The following DNAH5 variants were observed in gnomAD, a reference collection of about 807,000 sequenced individuals.
The protein encoded by DNAH5 is dynein axonemal heavy chain 5.
Under a neutral mutation model 518.2 loss-of-function variants are expected in DNAH5, and 372 were observed. That is an observed-to-expected ratio of 0.72 (90% confidence interval 0.66 to 0.78). The LOEUF (loss-of-function observed/expected upper bound fraction) is 0.78, where lower values mean the gene tolerates loss of function less well. Among genes scored for constraint, DNAH5 ranks in the 30% least tolerant of loss-of-function variants. DNAH5 has a pLI of 0.00. For synonymous variants in DNAH5, 2,039 were observed against 2,025.9 expected (o/e 1.01, Z -0.17); for missense variants, 5,523 against 5,687.0 (o/e 0.97, Z 0.93).
At chr5:13,832,336 G>A (rs1271928353) in intron 35 of DNAH5, among the ~76,000 whole-genome samples, 1 of 152,174 alleles carries the variant, frequency 6.6e-6, no homozygotes, top group Non-Finnish European at 1.5e-5. Flanking sequence ...AAAAGCAGGT[G>A]GGCATGCCTG....
chr5:13,754,418 G>C (rs894280668), intron 61 of DNAH5, 80 bp from the exon 62 acceptor site: 1 of 1,514,656 alleles, frequency 6.6e-7, no homozygotes, highest in African/African-American at 1.4e-5. Context: ...TGTAGAACAC[G>C]CCATATTATC....
chr5:13,934,230 T>C (rs956657242), intron 1 of DNAH5, among the ~76,000 whole-genome samples: 12 of 152,202 alleles, frequency 7.9e-5, no homozygotes, highest in African/African-American at 2.7e-4. Context: ...TCTGACCTTC[T>C]AGCTGACCCC....
In DNAH5 at chr5:13,844,895, A is replaced by G; in HGVS notation, c.5213T>C (p.Ile1738Thr). The G allele has an allele frequency of 3.1e-6, 5 of 1,614,222 alleles. No homozygotes were observed. The highest frequency in any genetic ancestry group is 4.2e-6 in the Non-Finnish European group (5 of 1,180,040). ...AAACACATTCAGCAAATGGGCCTGT[A>G]TAGTGTGGGAGTCCGACGCCTGCCC... is the stretch of plus-strand genomic sequence containing the variant. ...ILGQASDSHT[I>T]QAHLLNVFDN... Residue 1738 changes from isoleucine (I) to threonine (T), a missense_variant, in exon 32 of 79, where the codon ATA (isoleucine) becomes ACA (threonine). Ile to Thr is a moderately conservative substitution (Grantham distance 89, BLOSUM62 -1). Around this residue, in one of 3 missense-constraint regions of DNAH5, gnomAD observed 5,121 missense variants for 5,223.3 expected, o/e 0.98. Coordinates refer to ENST00000265104, the MANE Select transcript of DNAH5 (RefSeq NM_001369.3).
chr5:13,950,009 T>C (rs922374711), intron 1 of DNAH5, among the ~76,000 whole-genome samples: 15 of 152,140 alleles, frequency 9.9e-5, no homozygotes, highest in African/African-American at 2.2e-4. Flanking sequence ...CCAAGAAAAA[T>C]GCACAACCTA....
In DNAH5 at chr5:13,754,082, G is replaced by T. The variant is rs1416189275; in HGVS notation, c.10555+121C>A. ...TAGGGTACATGCGCACAATGTGCGG[G>T]TTTGTTACATATGTATACATGCGCC... On this transcript the variant is annotated intron_variant, in intron 62 of 78. Transcript: ENST00000265104. 1.2e-5 allele frequency: 14 copies of T among 1,172,832 alleles called. No individual in the cohort carries two copies. The Admixed American group carries it at 2.5e-4, about 21-fold the overall frequency. 72.7% of individuals were successfully genotyped at this position (1,172,832 alleles called of 1,614,324 possible).
Position 13,753,425 on chromosome 5 carries a change from G to A in DNAH5, c.10680C>T (p.Asn3560=), listed in dbSNP as rs774184336. Residue 3560 remains asparagine (N), a synonymous_variant, in exon 63 of 79, where the codon AAC becomes AAT. Transcript: ENST00000265104. ...MKARKIPFGK[N]LNLSEMLIDA... is the part of the protein sequence containing the mutation. ...CAATCAACATCTCACTGAGATTTAGGTTCTTTCCAAATGGAATTTTCCGGG... is the reference window on the plus strand; with the variant it reads ...CAATCAACATCTCACTGAGATTTAGATTCTTTCCAAATGGAATTTTCCGGG... 1 of 1,613,988 alleles carries A rather than the reference G, an allele frequency of 6.2e-7. No homozygotes were observed. The highest frequency in any genetic ancestry group is 8.5e-7 in the Non-Finnish European group (1 of 1,179,940).
At chr5:13,986,491 T>C (rs935601089) in intron 1 of DNAH5, among the ~76,000 whole-genome samples, 4 of 152,180 alleles carry the variant, frequency 2.6e-5, no homozygotes, top group Non-Finnish European at 4.4e-5. Context: ...GTCTCTTTGA[T>C]GGCAGTAAAT....
chr5:13,796,684 G>T (rs1048389753), intron 47 of DNAH5, among the ~76,000 whole-genome samples: 11 of 152,148 alleles, frequency 7.2e-5, no homozygotes, highest in African/African-American at 1.2e-4. Flanking sequence ...TTTCTTCACA[G>T]AATTGGAAAA....
At chr5:13,923,527 T>C (rs1777529554) in intron 3 of DNAH5, 87 bp from the exon 4 acceptor site, 2 of 1,471,180 alleles carry the variant, frequency 1.4e-6, no homozygotes, top group Admixed American at 1.8e-5. Context: ...TGTTAAAATA[T>C]TGCCATTGTT....
chr5:13,736,345 A>G (rs1400341316), intron 66 of DNAH5, among the ~76,000 whole-genome samples: 1 of 152,004 alleles, frequency 6.6e-6, no homozygotes, highest in Non-Finnish European at 1.5e-5. Context: ...AAAACAAGCC[A>G]TTGCAAAGAT....
Position 13,735,931 on chromosome 5 carries a change from C to T in DNAH5, c.11457G>A (p.Val3819=), listed in dbSNP as rs768953583. 2 of 1,612,676 alleles carry T rather than the reference C, an allele frequency of 1.2e-6. No homozygotes were observed. Among genetic ancestry groups the T allele is most frequent in the Admixed American group, 3.3e-5 (2 of 60,000 alleles). The change falls in exon 67 of 79, where the codon GTG becomes GTA. Residue 3819 remains valine, a splice_region_variant and synonymous_variant. Coordinates refer to ENST00000265104, the MANE Select transcript of DNAH5 (RefSeq NM_001369.3). ...INSAREEYRP[V]ATRGSILYFL... ...AGTAGAGGATGCTGCCCCGCGTAGC[C>T]ACTGGAAGACAAAGAGCAAGGTTGC...
In DNAH5 at chr5:13,780,952, C is replaced by T. The variant is rs184758570; in HGVS notation, c.8828G>A (p.Arg2943His). Residue 2943 changes from arginine (R) to histidine (H), a missense_variant, in exon 53 of 79, where the codon CGT (arginine) becomes CAT (histidine). Physicochemically the swap from Arg to His is conservative, Grantham distance 29 (BLOSUM62 0). This residue lies in a region of DNAH5 where 5,121 missense variants were observed against 5,223.3 expected (regional missense o/e 0.98). Transcript: ENST00000265104. Reference protein sequence around the residue: ...DAMVHLVKISRVIRTPQGNAL... With the variant: ...DAMVHLVKISHVIRTPQGNAL... ...ATTTCCCTGAGGAGTACGAATGACA[C>T]GAGAGATCTGTAATATGGAACAGAA... is the stretch of plus-strand genomic sequence containing the variant. 259 of 1,613,500 alleles carry T rather than the reference C, an allele frequency of 1.6e-4. No individual in the cohort carries two copies. The highest frequency in any genetic ancestry group is 2.0e-4 in the Non-Finnish European group (232 of 1,179,664).
intron 25 of DNAH5, 47 bp downstream of exon 25, chr5:13,867,727 T>C (rs1561468643): frequency 7.2e-7 from 1 of 1,389,592 alleles, no homozygotes; most frequent in East Asian, 2.3e-5. Context: ...TTGCATGTTG[T>C]ATTCACTCAT....
At chr5:13,964,049 A>C (rs774161933) in intron 1 of DNAH5, among the ~76,000 whole-genome samples, 3 of 152,238 alleles carry the variant, frequency 2.0e-5, no homozygotes, top group Non-Finnish European at 4.4e-5. Flanking sequence ...CCACCTCTAC[A>C]TAAGCAGTAG....
chr5:13,739,188 T>C (rs974825258), intron 65 of DNAH5, among the ~76,000 whole-genome samples: 1 of 152,134 alleles, frequency 6.6e-6, no homozygotes, highest in South Asian at 2.1e-4. Context: ...GGTGATATGG[T>C]TTGGCTCTGT....
chr5:13,834,153 G>A (rs1193429996), intron 35 of DNAH5, among the ~76,000 whole-genome samples: 2 of 152,148 alleles, frequency 1.3e-5, no homozygotes, highest in African/African-American at 4.8e-5. Context: ...TGGGCATTTA[G>A]GGTAAACAGA....
intron 26 of DNAH5, 103 bp from the exon 27 acceptor site, chr5:13,866,009 C>T: frequency 1.1e-6 from 1 of 944,442 alleles, no homozygotes; most frequent in South Asian, 1.4e-5. Flanking sequence ...GATGTATGAT[C>T]TCTGGGCACA....
In DNAH5 at chr5:13,864,411, T is replaced by C; in HGVS notation, c.4582A>G (p.Lys1528Glu). ...NIMEAPLLKY[K>E]EEIEDICISA... ...TCATACTCTACCTCTATTTCCTCTT[T>C]ATATTTCAGAAGAGGTGCCTCCATG... The change falls in exon 28 of 79, where the codon AAA becomes GAA. Residue 1528 changes from lysine (K) to glutamate (E), a missense_variant. Around this residue, in one of 3 missense-constraint regions of DNAH5, gnomAD observed 5,121 missense variants for 5,223.3 expected, o/e 0.98. Coordinates refer to ENST00000265104, the MANE Select transcript of DNAH5 (RefSeq NM_001369.3). The C allele has an allele frequency of 6.2e-7, 1 of 1,614,040 alleles. No individual in the cohort carries two copies. The highest frequency in any genetic ancestry group is 8.5e-7 in the Non-Finnish European group (1 of 1,179,982).
chr5:13,923,301 G>A lies in DNAH5; in HGVS notation c.417C>T (p.Ile139=). The change falls in exon 4 of 79, where the codon ATC becomes ATT. Residue 139 remains isoleucine, a synonymous_variant. Coordinates refer to ENST00000265104, the MANE Select transcript of DNAH5 (RefSeq NM_001369.3). ...TTACCTGGTGGATGTTGTCAGGGGT[G>A]ATGGCTTTGGAAGGGTCAGTCCTGA... The part of the protein sequence containing the change: ...FFIRTDPSKA[I]TPDNIHQEVS... 6.2e-7 allele frequency: 1 copy of A among 1,614,144 alleles called. No homozygotes were observed. The highest frequency in any genetic ancestry group is 8.5e-7 in the Non-Finnish European group (1 of 1,180,002).
Sources: gnomAD v4.1 joint callset for allele counts (sites outside exome capture counted in the v4.1 genomes callset) on GRCh38, gnomAD v4.1.1 for gene constraint, gnomAD v4.1.1 regional missense constraint, MANE v1.5 for transcripts, NCBI Gene and HGNC (gene_info 2026-07-23, HGNC 2026-07-21) for gene names.